ULK4: variants seen among roughly 807,000 people sequenced by gnomAD.
ULK4 encodes unc-51 like kinase 4, also known as inactive serine/threonine-protein kinase ULK4.
In ULK4, 133 loss-of-function variants were observed where a neutral mutation model predicts 160.6. The ratio of observed to expected loss-of-function variants is 0.83; its 90% CI spans 0.72 to 0.96. The LOEUF is 0.96. Ranked by LOEUF, ULK4 falls within the 40% of genes least tolerant of loss-of-function variation. The pLI is 0.00. For synonymous variants in ULK4, 534 were observed against 539.8 expected (o/e 0.99, Z 0.15); for missense variants, 1,580 against 1,499.5 (o/e 1.05, Z -0.89).
intron 35 of ULK4, among the ~76,000 whole-genome samples, chr3:41,367,300 G>C (rs556805775): frequency 6.6e-6 from 1 of 152,158 alleles, no homozygotes; most frequent in Non-Finnish European, 1.5e-5. Flanking sequence ...AGATGCTGCC[G>C]AAAGCTGTAG....
chr3:41,317,483 A>C (rs1298528025), intron 35 of ULK4, among the ~76,000 whole-genome samples: 1 of 152,148 alleles, frequency 6.6e-6, no homozygotes, highest in Non-Finnish European at 1.5e-5. Flanking sequence ...ATTGATAATG[A>C]TATTATTGAT....
intron 17 of ULK4, among the ~76,000 whole-genome samples, chr3:41,842,145 A>T (rs968082277): frequency 4.6e-5 from 7 of 151,286 alleles, no homozygotes; most frequent in Admixed American, 3.3e-4. Context: ...AATACAAAAA[A>T]AAAAAAAAGA....
At position 41,776,194 on chromosome 3, in the gene ULK4, T is replaced by C. The variant is rs959918340; in HGVS notation, c.2193+13467A>G. 9.9e-5 allele frequency among the ~76,000 whole-genome samples: 15 copies of C among 151,196 alleles called. 3 individuals carry two copies. Among genetic ancestry groups the C allele is most frequent in the African/African-American group, 3.7e-4 (15 of 40,492 alleles). ...TTTCATTTTATCCATCAGTTTCTAA[T>C]TCAAGCATCTTTTCCCAAGTTTACT... On this transcript the variant is annotated intron_variant, in intron 21 of 36. Coordinates refer to ENST00000301831, the MANE Select transcript of ULK4 (RefSeq NM_017886.4).
At chr3:41,716,085 C>T (rs759957140) in intron 23 of ULK4, among the ~76,000 whole-genome samples, 32 of 151,144 alleles carry the variant, frequency 2.1e-4, no homozygotes, top group Non-Finnish European at 4.1e-4. Flanking sequence ...TGATGGTGTG[C>T]GCCTGTAGTC....
chr3:41,899,805 G>A (rs1185571399), intron 13 of ULK4, among the ~76,000 whole-genome samples: 1 of 152,084 alleles, frequency 6.6e-6, no homozygotes, highest in Non-Finnish European at 1.5e-5. Context: ...AAGTTACTCT[G>A]CCAGACATAT....
chr3:41,524,955 A>G (rs2086063128), intron 32 of ULK4, among the ~76,000 whole-genome samples: 1 of 152,076 alleles, frequency 6.6e-6, no homozygotes, highest in South Asian at 2.1e-4. Context: ...ACAAACAAAA[A>G]ACAAACAAAC....
At position 41,463,333 on chromosome 3, in the gene ULK4, C is replaced by T. The variant is rs1312935535; in HGVS notation, c.3227-80G>A. On this transcript the variant is annotated intron_variant, in intron 32 of 36. Coordinates refer to ENST00000301831, the MANE Select transcript of ULK4 (RefSeq NM_017886.4). ...CATATGAACCAAAAAGAGAGGCATT[C>T]TGGCTCTATGTTGCATAAACCCTAA... 1.1e-5 allele frequency: 15 copies of T among 1,380,242 alleles called. No individual in the cohort carries two copies. The South Asian group carries it at 1.5e-4, about 14-fold the overall frequency. The allele number at this position is 1,380,242 out of a possible 1,614,324, so 85.5% of individuals were successfully genotyped here. A position where few individuals can be genotyped will look rare whatever the true frequency, so the allele number is the denominator to read the frequency against.
chr3:41,899,733 A>G (rs73069214), intron 13 of ULK4, among the ~76,000 whole-genome samples: 166 of 152,364 alleles, frequency 1.1e-3, no homozygotes, highest in Non-Finnish European at 1.9e-3. Flanking sequence ...TAAAGATAAC[A>G]CAAATTGTTC....
At chr3:41,957,210 T>A (rs1339501299) in intron 1 of ULK4, among the ~76,000 whole-genome samples, 1 of 152,118 alleles carries the variant, frequency 6.6e-6, no homozygotes, top group Non-Finnish European at 1.5e-5. Flanking sequence ...TCCCAGCACT[T>A]TGGGAGGCCG....
At chr3:41,753,231 C>T (rs1406719465) in intron 22 of ULK4, among the ~76,000 whole-genome samples, 1 of 152,042 alleles carries the variant, frequency 6.6e-6, no homozygotes, top group Non-Finnish European at 1.5e-5. Flanking sequence ...AAAATACACA[C>T]AGAAATTTGT....
chr3:41,620,941 A>G (rs1333152586), intron 30 of ULK4, among the ~76,000 whole-genome samples: 2 of 152,238 alleles, frequency 1.3e-5, no homozygotes, highest in Non-Finnish European at 2.9e-5. Flanking sequence ...ATTAATGTGC[A>G]AAAGTCACAA....
intron 3 of ULK4, among the ~76,000 whole-genome samples, chr3:41,936,165 A>G (rs982721234): frequency 1.3e-5 from 2 of 152,214 alleles, no homozygotes; most frequent in African/African-American, 2.4e-5. Context: ...CCTGCTCCCT[A>G]TGGATGAATG....
At chr3:41,383,625 C>A (rs921424125) in intron 35 of ULK4, among the ~76,000 whole-genome samples, 2 of 152,058 alleles carry the variant, frequency 1.3e-5, no homozygotes, top group Non-Finnish European at 2.9e-5. Context: ...ATTATTAGAA[C>A]CAGATAATAA....
chr3:41,358,917 GT>G (rs2081078255), intron 35 of ULK4, among the ~76,000 whole-genome samples: 1 of 152,300 alleles, frequency 6.6e-6, no homozygotes, highest in Non-Finnish European at 1.5e-5. Context: ...TAAACCATGT[GT>G]GGGGTGACGG....
In ULK4 at chr3:41,898,418, C is replaced by T; in HGVS notation, c.1348+14G>A. On this transcript the variant is annotated intron_variant, in intron 14 of 36. Coordinates refer to ENST00000301831, the MANE Select transcript of ULK4 (RefSeq NM_017886.4). ...AAAGAGTCTACATGTTCGATAAGTCCTTTATGATCCTACCTGAATATGTTG... is the reference window on the plus strand; with the variant it reads ...AAAGAGTCTACATGTTCGATAAGTCTTTTATGATCCTACCTGAATATGTTG... The T allele has an allele frequency of 6.5e-7, 1 of 1,547,492 alleles. No homozygotes were observed. The highest frequency in any genetic ancestry group is 1.9e-5 in the Admixed American group (1 of 51,720).
At chr3:41,960,687 A>G (rs564555578) in intron 1 of ULK4, among the ~76,000 whole-genome samples, 2 of 152,318 alleles carry the variant, frequency 1.3e-5, no homozygotes, top group African/African-American at 4.8e-5. Flanking sequence ...TCAATAACTT[A>G]TTAATAGTTG....
intron 18 of ULK4, among the ~76,000 whole-genome samples, chr3:41,825,665 G>A (rs933066858): frequency 2.0e-5 from 3 of 152,184 alleles, no homozygotes; most frequent in African/African-American, 7.2e-5. Flanking sequence ...TATGTGAAAA[G>A]GCCAAATCTA....
At chr3:41,602,294 A>G (rs1250302641) in intron 31 of ULK4, among the ~76,000 whole-genome samples, 23 of 120,190 alleles carry the variant, frequency 1.9e-4, no homozygotes, top group East Asian at 2.6e-4. Context: ...AGGAAAGGAA[A>G]GGAAAGGAAA....
chr3:41,720,985 A>G lies in ULK4; in HGVS notation c.2322-3124T>C, dbSNP rs575660572. Among the ~76,000 whole-genome samples the G allele has an allele frequency of 3.2e-4, 49 of 152,308 alleles. 1 individual carries two copies. Among genetic ancestry groups the G allele is most frequent in the African/African-American group, 1.1e-3 (44 of 41,568 alleles). ...AGTATTTAGCAAAAGGGAACTGGTT[A>G]AATAAAATATGGTACATAATTAGAA... On this transcript the variant is annotated intron_variant, in intron 22 of 36. Transcript: ENST00000301831.
Sources: allele counts gnomAD v4.1 joint callset (sites outside exome capture counted in the v4.1 genomes callset), GRCh38; gene constraint gnomAD v4.1.1; transcripts MANE v1.5; gene names NCBI Gene and HGNC (gene_info 2026-07-23, HGNC 2026-07-21).